ADAMTS14: variants seen among roughly 807,000 people sequenced by gnomAD.
ADAMTS14 encodes ADAM metallopeptidase with thrombospondin type 1 motif 14, also known as A disintegrin and metalloproteinase with thrombospondin motifs 14.
A neutral mutation model predicts 128.6 loss-of-function variants in ADAMTS14; 100 were observed. The observed-to-expected ratio is 0.78, with a 90% confidence interval of 0.66 to 0.92. The LOEUF (loss-of-function observed/expected upper bound fraction) is 0.92, where lower values mean the gene tolerates loss of function less well. Ranked by LOEUF, ADAMTS14 falls within the 40% of genes least tolerant of loss-of-function variation. ADAMTS14 has a pLI of 0.00. For missense variants in ADAMTS14, 1,562 were observed against 1,658.6 expected, an observed-to-expected ratio of 0.94 and a Z score of 1.01; for synonymous variants, 665 against 653.8, an observed-to-expected ratio of 1.02 and a Z score of -0.26.
intron 2 of ADAMTS14, among the ~76,000 whole-genome samples, chr10:70,695,615 G>C (rs1236393304): frequency 6.6e-6 from 1 of 152,214 alleles, no homozygotes; most frequent in African/African-American, 2.4e-5. Flanking sequence ...CCTCCTCCTT[G>C]ATTTTGGGGT....
At chr10:70,706,141 G>A (rs1840657362) in intron 3 of ADAMTS14, among the ~76,000 whole-genome samples, 1 of 150,694 alleles carries the variant, frequency 6.6e-6, no homozygotes. Context: ...CACAGAAGAG[G>A]GTGTGGCTGG....
rs200791451 is a variant in ADAMTS14, at chr10:70,732,223, G to T, written c.1103-31G>T. ...TCCTGCCTCACCTGCCCTCCACCTCGCTCTCCACCTTTTCTTTCTCTCTTC... is the reference window on the plus strand; with the variant it reads ...TCCTGCCTCACCTGCCCTCCACCTCTCTCTCCACCTTTTCTTTCTCTCTTC... On this transcript the variant is annotated intron_variant, in intron 6 of 21. Transcript: ENST00000373207. 2.0e-4 allele frequency: 326 copies of T among 1,598,288 alleles called. No homozygotes were observed. In the African/African-American group the frequency reaches 4.1e-3, roughly 20 times the overall value.
intron 19 of ADAMTS14, among the ~76,000 whole-genome samples, chr10:70,756,122 T>C (rs1842474475): frequency 6.6e-6 from 1 of 152,166 alleles, no homozygotes; most frequent in Non-Finnish European, 1.5e-5. Context: ...GAAAAAGTAC[T>C]TCAGTATGAA....
chr10:70,730,157 G>T lies in ADAMTS14; in HGVS notation c.1010G>T (p.Arg337Leu). 1.2e-6 allele frequency: 2 copies of T among 1,612,870 alleles called. No homozygotes were observed. The highest frequency in any genetic ancestry group is 1.7e-6 in the Non-Finnish European group (2 of 1,179,972). The change falls in exon 6 of 22, where the codon CGC (arginine) becomes CTC (leucine). Residue 337 changes from arginine to leucine, a missense_variant. Coordinates refer to ENST00000373207, the MANE Select transcript of ADAMTS14 (RefSeq NM_080722.4). ...TCACGCAGCCTGGAGCAGGTGTGTC[G>T]CTGGGCACACTCCCAGCAGCGCCAG... is the stretch of plus-strand genomic sequence containing the variant. ...NPSRSLEQVC[R>L]WAHSQQRQDP...
At chr10:70,722,920 C>G (rs1049973303) in intron 4 of ADAMTS14, among the ~76,000 whole-genome samples, 6 of 152,252 alleles carry the variant, frequency 3.9e-5, no homozygotes, top group African/African-American at 1.4e-4. Context: ...TAACTCCCCA[C>G]TCCCTAGATG....
intron 6 of ADAMTS14, among the ~76,000 whole-genome samples, chr10:70,731,370 C>T (rs187355535): frequency 1.3e-5 from 2 of 152,192 alleles, no homozygotes; most frequent in African/African-American, 4.8e-5. Context: ...TCCCACTCAG[C>T]CTCTTGCTAT....
rs76674855 is a variant in ADAMTS14 at position 70,754,563 on chromosome 10, A to T, written c.2937+556A>T. ...TGAGACCAGAGGGACAAGCCACAGG[A>T]AGAGACCAAGTCAGGAACAATTTTA... On this transcript the variant is annotated intron_variant, in intron 19 of 21. Transcript: ENST00000373207. Among the ~76,000 whole-genome samples, 948 of 152,196 alleles carry T rather than the reference A, an allele frequency of 6.2e-3. 6 individuals are homozygous for T. The highest frequency in any genetic ancestry group is 0.021 in the African/African-American group (854 of 41,514).
intron 2 of ADAMTS14, among the ~76,000 whole-genome samples, chr10:70,696,663 G>A (rs1840340324): frequency 6.6e-6 from 1 of 152,182 alleles, no homozygotes; most frequent in Non-Finnish European, 1.5e-5. Context: ...GAAGGGAAGC[G>A]AGGATGTAAG....
At chr10:70,687,355 C>T (rs1840006681) in intron 2 of ADAMTS14, among the ~76,000 whole-genome samples, 1 of 84,128 alleles carries the variant, frequency 1.2e-5, no homozygotes, top group Admixed American at 1.3e-4. Context: ...CACCTCCCTC[C>T]CGGACGGGGC....
chr10:70,693,944 G>T (rs142964208), intron 2 of ADAMTS14, among the ~76,000 whole-genome samples: 49 of 152,356 alleles, frequency 3.2e-4, no homozygotes, highest in Non-Finnish European at 5.9e-4. Flanking sequence ...GTGGCAGAGC[G>T]TGCCAGTTGT....
At chr10:70,759,834 C>T (rs1842563591) in intron 21 of ADAMTS14, among the ~76,000 whole-genome samples, 1 of 152,176 alleles carries the variant, frequency 6.6e-6, no homozygotes. Flanking sequence ...CCACTTCCAT[C>T]CAGAGCAGCT....
At chr10:70,731,263 AC>A (rs5786004) in intron 6 of ADAMTS14, among the ~76,000 whole-genome samples, 17,781 of 152,226 alleles carry the variant, frequency 0.12, 1,132 homozygotes, top group Non-Finnish European at 0.15. Flanking sequence ...ACATGCATGC[AC>A]AGGCACTCAC....
At chr10:70,693,578 A>G (rs1026413030) in intron 2 of ADAMTS14, among the ~76,000 whole-genome samples, 1 of 152,182 alleles carries the variant, frequency 6.6e-6, no homozygotes, top group African/African-American at 2.4e-5. Context: ...CTGAAGCACA[A>G]TGATGTTAAG....
Position 70,672,776 on chromosome 10 carries a change from G to T in ADAMTS14, c.-27G>T. The stretch of plus-strand genomic sequence containing the variant: ...CCTGGGACTTGGGGATCGGGCGCTT[G>T]CCCAGCCCGCGTCCCAGCGCGGCCA... On this transcript the variant is annotated 5_prime_UTR_variant, in exon 1 of 22. Coordinates refer to ENST00000373207, the MANE Select transcript of ADAMTS14 (RefSeq NM_080722.4). The T allele has an allele frequency of 6.7e-7, 1 of 1,493,918 alleles. No individual in the cohort carries two copies. Among genetic ancestry groups the T allele is most frequent in the Non-Finnish European group, 8.9e-7 (1 of 1,126,452 alleles). The allele number at this position is 1,493,918 out of a possible 1,614,324, so 92.5% of individuals were successfully genotyped here. A position where few individuals can be genotyped will look rare whatever the true frequency, so the allele number is the denominator to read the frequency against.
chr10:70,719,367 TACACACACACACACACACACAC>T (rs61607600), intron 4 of ADAMTS14, among the ~76,000 whole-genome samples: 5 of 142,220 alleles, frequency 3.5e-5, no homozygotes, highest in South Asian at 4.8e-4. Context: ...ACTCCACAAA[TACACACACACACACACACACAC>T]ACACACACAC....
rs1842143661 is a variant in ADAMTS14 at position 70,745,319 on chromosome 10, G to T, written c.2263+13G>T. 1.9e-6 allele frequency: 3 copies of T among 1,611,994 alleles called. No individual in the cohort carries two copies. On this transcript the variant is annotated intron_variant, in intron 15 of 21. Coordinates refer to ENST00000373207, the MANE Select transcript of ADAMTS14 (RefSeq NM_080722.4). ...CCCCACCGCATTGGTGAGTGCTGGGGTGCTGGGAGGGGACAGCAGGGCCCC... is the reference window on the plus strand; with the variant it reads ...CCCCACCGCATTGGTGAGTGCTGGGTTGCTGGGAGGGGACAGCAGGGCCCC...
In ADAMTS14 at chr10:70,673,177, C is replaced by G. The variant is rs747198853; in HGVS notation, c.82+293C>G. Among the ~76,000 whole-genome samples the G allele has an allele frequency of 4.5e-4, 68 of 152,316 alleles. 1 individual carries two copies. The highest frequency in any genetic ancestry group is 9.1e-4 in the Admixed American group (14 of 15,304). On this transcript the variant is annotated intron_variant, in intron 1 of 21. Transcript: ENST00000373207. The stretch of plus-strand genomic sequence containing the variant: ...TGTCTCTCTGTGTTTCTTCTTTCCC[C>G]TCTTCCCCAATCTGTTTCTCTGTCC...
intron 11 of ADAMTS14, 120 bp from the exon 12 acceptor site, chr10:70,740,867 T>C (rs1841973014): frequency 9.7e-7 from 1 of 1,032,644 alleles, no homozygotes; most frequent in African/African-American, 1.6e-5. Flanking sequence ...TTTATGTCAG[T>C]GGAGGCCCTT....
At chr10:70,750,135 T>A in intron 16 of ADAMTS14, 150 bp downstream of exon 16, 1 of 1,036,072 alleles carries the variant, frequency 9.7e-7, no homozygotes, top group Non-Finnish European at 1.4e-6. Flanking sequence ...GATTAGCTCC[T>A]CATTTGTGCT....
Sources: allele counts gnomAD v4.1 joint callset (sites outside exome capture counted in the v4.1 genomes callset), GRCh38; gene constraint gnomAD v4.1.1; transcripts MANE v1.5; gene names NCBI Gene and HGNC (gene_info 2026-07-23, HGNC 2026-07-21).